Variants in TSPAN11 observed in about 807,000 individuals in gnomAD.
TSPAN11 encodes tetraspanin-11.
TSPAN11 carries 29 observed loss-of-function variants against 32.9 expected under a neutral mutation model. The observed-to-expected ratio is 0.88, with a 90% CI of 0.66 to 1.20. The LOEUF is 1.20. Among genes scored for constraint, TSPAN11 ranks in the 50% most tolerant of loss-of-function variants. The probability of loss-of-function intolerance (pLI) is 0.00; values close to 1 mark genes in which losing one functional copy is unlikely to be tolerated. For missense variants in TSPAN11, 283 were observed against 329.1 expected (o/e 0.86, Z 1.08); for synonymous variants, 140 against 141.3 (o/e 0.99, Z 0.07).
At position 30,979,570 on chromosome 12, in the gene TSPAN11, G is replaced by A; in HGVS notation, c.356G>A (p.Ser119Asn). The A allele has an allele frequency of 6.2e-7, 1 of 1,614,210 alleles. No individual in the cohort carries two copies. Among genetic ancestry groups the A allele is most frequent in the Non-Finnish European group, 8.5e-7 (1 of 1,180,036 alleles). Residue 119 changes from serine (S) to asparagine (N), a missense_variant, in exon 5 of 8, where the codon AGT becomes AAT. Coordinates refer to ENST00000546076, the MANE Select transcript of TSPAN11 (RefSeq NM_001370302.1). ...CTTCGCTCCTACCCTCCTCAGCTGA[G>A]TGATGAACTGAAGCAGCACTTGAAC... ...VLAHVYYQRLSDELKQHLNRT... is the reference protein window; with the variant it reads ...VLAHVYYQRLNDELKQHLNRT...
chr12:30,953,240 G>T (rs920461380), intron 1 of TSPAN11, among the ~76,000 whole-genome samples: 1 of 152,176 alleles, frequency 6.6e-6, no homozygotes, highest in African/African-American at 2.4e-5. Context: ...ACTTCACATA[G>T]ATTATTTCAT....
intron 3 of TSPAN11, 70 bp downstream of exon 3, chr12:30,964,087 A>G: frequency 1.9e-6 from 3 of 1,550,484 alleles, no homozygotes; most frequent in Non-Finnish European, 2.6e-6. Context: ...CCAGCAAGTG[A>G]GAGGGGCCCC....
chr12:30,941,359 A>G (rs1459764587), intron 1 of TSPAN11, among the ~76,000 whole-genome samples: 2 of 152,230 alleles, frequency 1.3e-5, no homozygotes, highest in Non-Finnish European at 2.9e-5. Context: ...ATGGTACATG[A>G]TAAACACTAG....
intron 7 of TSPAN11, among the ~76,000 whole-genome samples, chr12:30,984,551 GCTTTT>G (rs1160440085): frequency 2.0e-5 from 2 of 99,528 alleles, no homozygotes; most frequent in Non-Finnish European, 1.9e-5. Context: ...TTCGCTTTTT[GCTTTT>G]TTTTTTTTTT....
Position 30,978,934 on chromosome 12 carries a change from G to A in TSPAN11, c.351+299G>A, listed in dbSNP as rs1020842327. ...AATGGTCTAGAGGATGAATCCATCT[G>A]TCAGAGACATCCAAGAAGAAAGGCC... On this transcript the variant is annotated intron_variant, in intron 4 of 7. Transcript: ENST00000546076. The A allele has an allele frequency of 2.4e-5, 10 of 413,684 alleles. No individual in the cohort carries two copies. In the Admixed American group the frequency reaches 3.7e-4, roughly 15 times the overall value. The allele number at this position is 413,684 out of a possible 1,614,324, so 25.6% of individuals were successfully genotyped here.
At chr12:30,948,229 A>T (rs1332181558) in intron 1 of TSPAN11, among the ~76,000 whole-genome samples, 1 of 152,138 alleles carries the variant, frequency 6.6e-6, no homozygotes. Context: ...TTCCAGGCGC[A>T]TGGTGCAAGC....
At chr12:31,016,388 G>GTTTCCACGGTAAATT in the TSPAN11 span, among the ~76,000 whole-genome samples, 2 of 152,088 alleles carry the variant, frequency 1.3e-5, no homozygotes, top group African/African-American at 4.8e-5. Flanking sequence ...CTTCAAAATG[G>GTTTCCACGGTAAATT]TTTCCACGGT....
chr12:30,944,878 C>T (rs552697280), intron 1 of TSPAN11, among the ~76,000 whole-genome samples: 1 of 152,320 alleles, frequency 6.6e-6, no homozygotes, highest in Admixed American at 6.5e-5. Context: ...GAGTCAGAGT[C>T]CCCCAACCTG....
At chr12:30,942,385 G>A (rs537812281) in intron 1 of TSPAN11, among the ~76,000 whole-genome samples, 1 of 152,326 alleles carries the variant, frequency 6.6e-6, no homozygotes, top group Admixed American at 6.5e-5. Context: ...TCAAACTGCT[G>A]TAGGTGGCAG....
At chr12:30,999,616 C>T (rs755217875), downstream of TSPAN11, among the ~76,000 whole-genome samples, 6 of 151,828 alleles carry the variant, frequency 4.0e-5, no homozygotes, top group South Asian at 2.1e-4. Flanking sequence ...ACTGAAAGTA[C>T]GGTTTCTACT....
chr12:30,961,029 GA>G (rs113586330), intron 2 of TSPAN11, among the ~76,000 whole-genome samples: 2,157 of 138,452 alleles, frequency 0.016, 57 homozygotes, highest in African/African-American at 0.047. Flanking sequence ...ACAGAGCGAG[GA>G]AAAAAAAAAA....
intron 1 of TSPAN11, among the ~76,000 whole-genome samples, chr12:30,929,993 G>T (rs1937886083): frequency 6.6e-6 from 1 of 152,208 alleles, no homozygotes; most frequent in Non-Finnish European, 1.5e-5. Context: ...GTGGTGTTCT[G>T]TTTGGTTGGT....
In TSPAN11 at chr12:30,978,633, AG is replaced by A; in HGVS notation, c.351+1del. ...AGVLAHVYYQ[R>X]LSDELKQHLN... ...AGTCCTGGCCCATGTGTATTACCAG[AG>A]GGTAAGTGACGTTTCCTCCTCCTGC... On this transcript the variant is annotated frameshift_variant and splice_region_variant, in exon 4 of 8. Transcript: ENST00000546076. LOFTEE classifies it high-confidence loss of function. 1.2e-6 allele frequency: 2 copies of A among 1,614,094 alleles called. No individual in the cohort carries two copies. The highest frequency in any genetic ancestry group is 1.7e-6 in the Non-Finnish European group (2 of 1,179,972).
In TSPAN11 at chr12:30,968,214, G is replaced by A. The variant is rs545370238; in HGVS notation, c.276+4197G>A. Among the ~76,000 whole-genome samples, 30 of 152,344 alleles carry A rather than the reference G, an allele frequency of 2.0e-4. No homozygotes were observed. The South Asian group carries it at 6.2e-3, about 32-fold the overall frequency. On this transcript the variant is annotated intron_variant, in intron 3 of 7. Transcript: ENST00000546076. The stretch of plus-strand genomic sequence containing the variant: ...TAGACCAAGTGGTCCCTGAGGAGGA[G>A]AGGGAAAGATGAAAGACCAGGCATC...
chr12:30,939,091 G>T (rs376434588), intron 1 of TSPAN11, among the ~76,000 whole-genome samples: 2 of 152,008 alleles, frequency 1.3e-5, no homozygotes, highest in Non-Finnish European at 2.9e-5. Flanking sequence ...AATTAGCCAG[G>T]TGTGGTGGGC....
rs1198712353 is a variant in TSPAN11, at chr12:30,996,076, G to GGTCA, written c.*4163_*4166dup. 6.6e-6 allele frequency: 1 copy of GGTCA among 152,248 alleles called. No individual in the cohort carries two copies. Among genetic ancestry groups the GGTCA allele is most frequent in the Non-Finnish European group, 1.5e-5 (1 of 68,100 alleles). The allele number at this position is 152,248 out of a possible 1,614,324, so 9.4% of individuals were successfully genotyped here. ...GGCTAGGAGTGAAGCGTGTCACCAT[G>GGTCA]GTCAGCTCATGGCCAGCCAGGAAAG... On this transcript the variant is annotated 3_prime_UTR_variant, in exon 8 of 8. Transcript: ENST00000546076.
chr12:30,960,031 G>T (rs1938580423), intron 2 of TSPAN11, among the ~76,000 whole-genome samples: 1 of 150,362 alleles, frequency 6.7e-6, no homozygotes, highest in Non-Finnish European at 1.5e-5. Flanking sequence ...ACAGTGTGGC[G>T]GGGAGATGGA....
At chr12:30,951,473 A>G (rs1938380463) in intron 1 of TSPAN11, among the ~76,000 whole-genome samples, 1 of 152,232 alleles carries the variant, frequency 6.6e-6, no homozygotes, top group Admixed American at 6.5e-5. Flanking sequence ...GCCCAGAGGC[A>G]GAGATTCTTT....
At chr12:30,979,250 T>C (rs1356427983) in intron 4 of TSPAN11, among the ~76,000 whole-genome samples, 2 of 152,168 alleles carry the variant, frequency 1.3e-5, no homozygotes, top group Non-Finnish European at 2.9e-5. Flanking sequence ...AAGCACCCTG[T>C]GTCTGGCCTC....
Sources: allele counts gnomAD v4.1 joint callset (sites outside exome capture counted in the v4.1 genomes callset), GRCh38; gene constraint gnomAD v4.1.1; transcripts MANE v1.5; gene names NCBI Gene and HGNC (gene_info 2026-07-23, HGNC 2026-07-21).